Variants in SPDYE21 observed in about 807,000 individuals in gnomAD.
SPDYE21 encodes speedy/RINGO cell cycle regulator family member E21, also known as speedy protein E21.
SPDYE21 carries 14 observed loss-of-function variants against 36.2 expected under a neutral mutation model. The observed-to-expected ratio is 0.39, with a 90% CI of 0.26 to 0.61. The LOEUF is 0.61. Among genes scored for constraint, SPDYE21 ranks in the 20% least tolerant of loss-of-function variants. The pLI, the probability that SPDYE21 is intolerant of heterozygous loss-of-function variation, is 0.55. For synonymous variants in SPDYE21, 58 were observed against 155.1 expected (o/e 0.37, Z 4.65); for missense variants, 233 against 424.6 (o/e 0.55, Z 3.97).
chr7:67,281,894 C>T (rs140905739), intron 4 of SPDYE21, among the ~76,000 whole-genome samples: 20,832 of 152,174 alleles, frequency 0.14, 1,613 homozygotes, highest in Middle Eastern at 0.21. Context: ...ATTGCTTGAA[C>T]TCAGAACTTT....
chr7:67,287,727 A>G lies in SPDYE21; in HGVS notation c.*255A>G, dbSNP rs1024153168. Reference sequence around the variant, plus strand: ...GGGGTCCTTCTAGGAGTCCTTGGAGAAAAGTAAGAAACCAGGAGTGTTTCC... The same window carrying G: ...GGGGTCCTTCTAGGAGTCCTTGGAGGAAAGTAAGAAACCAGGAGTGTTTCC... On this transcript the variant is annotated 3_prime_UTR_variant, in exon 9 of 9. Coordinates refer to ENST00000424157, the MANE Select transcript of SPDYE21 (RefSeq NM_001382715.2). Among the ~76,000 whole-genome samples, 2 of 150,050 alleles carry G rather than the reference A, an allele frequency of 1.3e-5. No homozygotes were observed. The highest frequency in any genetic ancestry group is 4.9e-5 in the African/African-American group (2 of 40,812).
rs924775551 is a variant in SPDYE21, at chr7:67,286,166, G to A, written c.878G>A (p.Arg293His). The change falls in exon 7 of 9, where the codon CGT (arginine) becomes CAT (histidine). Residue 293 changes from arginine (R) to histidine (H), a missense_variant. Physicochemically the swap from Arg to His is conservative, Grantham distance 29 (BLOSUM62 0). Coordinates refer to ENST00000424157, the MANE Select transcript of SPDYE21 (RefSeq NM_001382715.2). ...CGTAAGCGTTGGTTCCAGTTAGGCC[G>A]TTCCATGAACCCGAGGGCCAGGAAG... ...LLRKRWFQLG[R>H]SMNPRARKNR... 1.7e-5 allele frequency: 28 copies of A among 1,610,792 alleles called. No individual in the cohort carries two copies. The highest frequency in any genetic ancestry group is 5.5e-5 in the South Asian group (5 of 90,814).
intron 2 of SPDYE21, among the ~76,000 whole-genome samples, chr7:67,279,354 G>A (rs200305542): frequency 0.15 from 21,721 of 146,066 alleles, 1,908 homozygotes; most frequent in East Asian, 0.39. Flanking sequence ...AGGAGTTTGA[G>A]ACCAGCCTGG....
rs560150965 is a variant in SPDYE21 at position 67,282,016 on chromosome 7, C to T, written c.610+412C>T. Among the ~76,000 whole-genome samples, 11 of 152,032 alleles carry T rather than the reference C, an allele frequency of 7.2e-5. No homozygotes were observed. In the South Asian group the frequency reaches 2.3e-3, roughly 32 times the overall value. The stretch of plus-strand genomic sequence containing the variant: ...GGCACAGTAGCTCATGCATGTAATC[C>T]CAGCTACTCGGGAGGCTGAGACAGG... On this transcript the variant is annotated intron_variant, in intron 4 of 8. Transcript: ENST00000424157.
At chr7:67,285,715 G>A (rs1235250790) in intron 6 of SPDYE21, among the ~76,000 whole-genome samples, 1 of 152,146 alleles carries the variant, frequency 6.6e-6, no homozygotes, top group Non-Finnish European at 1.5e-5. Flanking sequence ...TAATAGAGAC[G>A]AGGGTCTTGC....
In SPDYE21 at chr7:67,287,909, T is replaced by A. The variant is rs1394195006; in HGVS notation, c.*437T>A. On this transcript the variant is annotated 3_prime_UTR_variant, in exon 9 of 9. Coordinates refer to ENST00000424157, the MANE Select transcript of SPDYE21 (RefSeq NM_001382715.2). The stretch of plus-strand genomic sequence containing the variant: ...GCAGGGGCTCAGATTGGCACAGAAT[T>A]CTTTTGTGAAATATCAGTGCCACAG... Among the ~76,000 whole-genome samples, 3 of 151,824 alleles carry A rather than the reference T, an allele frequency of 2.0e-5. No homozygotes were observed. Among genetic ancestry groups the A allele is most frequent in the Non-Finnish European group, 4.4e-5 (3 of 67,978 alleles).
intron 3 of SPDYE21, among the ~76,000 whole-genome samples, chr7:67,281,106 A>C (rs879709452): frequency 4.7e-4 from 67 of 141,336 alleles, no homozygotes; most frequent in African/African-American, 1.6e-3. Flanking sequence ...CAACAAAAAA[A>C]AAAAAAAAAA....
intron 5 of SPDYE21, 149 bp downstream of exon 5, chr7:67,282,842 TG>T (rs1185979612): frequency 9.7e-7 from 1 of 1,033,214 alleles, no homozygotes; most frequent in African/African-American, 1.7e-5. Context: ...AGTCTTGCTC[TG>T]TTGCCCAGGC....
At chr7:67,285,017 C>G (rs996378036) in intron 6 of SPDYE21, among the ~76,000 whole-genome samples, 1 of 151,930 alleles carries the variant, frequency 6.6e-6, no homozygotes, top group African/African-American at 2.4e-5. Context: ...ACATGTGGCT[C>G]TGAAGGGAAG....
intron 6 of SPDYE21, among the ~76,000 whole-genome samples, chr7:67,284,936 G>A (rs1802704660): frequency 6.7e-6 from 1 of 149,976 alleles, no homozygotes; most frequent in South Asian, 2.1e-4. Flanking sequence ...TTCCTGGCTC[G>A]GCTTCACTGC....
chr7:67,278,125 T>TACATGATAATCTCATTCTTGC (rs1802570053), intron 1 of SPDYE21, among the ~76,000 whole-genome samples, 167 bp from the exon 2 acceptor site: 1 of 77,696 alleles, frequency 1.3e-5, no homozygotes, highest in Non-Finnish European at 2.7e-5. Flanking sequence ...GGATCTCTTG[T>TACATGATAATCTCATTCTTGC]ACATGATAAT....
Position 67,285,928 on chromosome 7 carries a change from G to A in SPDYE21, c.756-116G>A, listed in dbSNP as rs563886895. The A allele has an allele frequency of 1.1e-5, 17 of 1,570,864 alleles. No homozygotes were observed. The Admixed American group carries it at 2.2e-4, about 21-fold the overall frequency. Reference sequence around the variant, plus strand: ...TGAGGAAGGCGTGGCTCTCTGCAGGGTGGGTGCCAGTCCTGAGCTAGGGAC... The same window carrying A: ...TGAGGAAGGCGTGGCTCTCTGCAGGATGGGTGCCAGTCCTGAGCTAGGGAC... On this transcript the variant is annotated intron_variant, in intron 6 of 8. Transcript: ENST00000424157.
rs1412759272 is a variant in SPDYE21, at chr7:67,288,136, A to G, written c.*664A>G. Among the ~76,000 whole-genome samples the G allele has an allele frequency of 1.3e-5, 2 of 151,752 alleles. No homozygotes were observed. The highest frequency in any genetic ancestry group is 4.8e-5 in the African/African-American group (2 of 41,404). ...AATTTTCTTTTCATTTTTAAGAGAC[A>G]ATTCTTTTTATCCTAAATATTTTAT... is the stretch of plus-strand genomic sequence containing the variant. On this transcript the variant is annotated 3_prime_UTR_variant, in exon 9 of 9. Coordinates refer to ENST00000424157, the MANE Select transcript of SPDYE21 (RefSeq NM_001382715.2).
chr7:67,284,936 G>C (rs1802704660), intron 6 of SPDYE21, among the ~76,000 whole-genome samples: 1 of 149,976 alleles, frequency 6.7e-6, no homozygotes, highest in Non-Finnish European at 1.5e-5. Context: ...TTCCTGGCTC[G>C]GCTTCACTGC....
chr7:67,280,278 C>T (rs904071720), intron 3 of SPDYE21, among the ~76,000 whole-genome samples: 1 of 152,222 alleles, frequency 6.6e-6, no homozygotes, highest in South Asian at 2.1e-4. Context: ...CAGTGGCTCA[C>T]GCCTGAGATC....
chr7:67,279,559 A>C (rs1228029307), intron 2 of SPDYE21, among the ~76,000 whole-genome samples: 1 of 152,136 alleles, frequency 6.6e-6, no homozygotes, highest in Non-Finnish European at 1.5e-5. Context: ...GTGTCAAAAC[A>C]AAACAAAAAA....
In SPDYE21 at chr7:67,286,416, T is replaced by C. The variant is rs1328842987; in HGVS notation, c.1128T>C (p.Val376=). Among the ~76,000 whole-genome samples, 1 of 152,154 alleles carries C rather than the reference T, an allele frequency of 6.6e-6. No homozygotes were observed. The highest frequency in any genetic ancestry group is 2.4e-5 in the African/African-American group (1 of 41,446). The change falls in exon 7 of 9, where the codon GTT becomes GTC. Residue 376 remains valine (V), a synonymous_variant. Coordinates refer to ENST00000424157, the MANE Select transcript of SPDYE21 (RefSeq NM_001382715.2). ...FFCSMSGRAW[V]SPEELEEIQA... is the part of the protein sequence containing the mutation. ...GTTCCATGAGCGGCAGGGCTTGGGT[T>C]TCCCCGGAGGAGTTGGAGGAGGTGA...
intron 7 of SPDYE21, among the ~76,000 whole-genome samples, 61 bp from the exon 8 acceptor site, chr7:67,286,499 G>A (rs1205944800): frequency 6.6e-6 from 1 of 152,116 alleles, no homozygotes; most frequent in Middle Eastern, 3.4e-3. Flanking sequence ...GAGGCTGGAT[G>A]AGGGGAGAGA....
chr7:67,282,468 G>A (rs1189310971), intron 4 of SPDYE21, among the ~76,000 whole-genome samples, 167 bp from the exon 5 acceptor site: 1 of 150,916 alleles, frequency 6.6e-6, no homozygotes, highest in Non-Finnish European at 1.5e-5. Context: ...CTCAGAGCAG[G>A]AGCCTCTCTC....
Sources: allele counts gnomAD v4.1 joint callset (sites outside exome capture counted in the v4.1 genomes callset), GRCh38; gene constraint gnomAD v4.1.1; transcripts MANE v1.5; gene names NCBI Gene and HGNC (gene_info 2026-07-23, HGNC 2026-07-21).